The following MROH2A variants were observed in gnomAD, a reference collection of about 807,000 sequenced individuals.
MROH2A encodes maestro heat-like repeat-containing protein family member 2A.
MROH2A carries 174 observed loss-of-function variants against 200.4 expected under a neutral mutation model. The ratio of observed to expected loss-of-function variants is 0.87; its 90% CI spans 0.77 to 0.98. The LOEUF (loss-of-function observed/expected upper bound fraction) is 0.98, where lower values mean the gene tolerates loss of function less well. Ranked by LOEUF, MROH2A falls within the 50% of genes least tolerant of loss-of-function variation. The pLI is 0.00. For synonymous variants in MROH2A, 829 were observed against 840.4 expected (o/e 0.99, Z 0.23); for missense variants, 2,045 against 2,139.6 (o/e 0.96, Z 0.87).
chr2:233,822,258 G>A lies in MROH2A; in HGVS notation c.3647G>A (p.Arg1216His), dbSNP rs562418753. Residue 1216 changes from arginine to histidine, a missense_variant, in exon 32 of 42, where the codon CGC (arginine) becomes CAC (histidine). Physicochemically the swap from Arg to His is conservative, Grantham distance 29. This residue lies in a region of MROH2A where 1,201 missense variants were observed against 1,311.3 expected (regional missense o/e 0.92). Coordinates refer to ENST00000389758, the MANE Select transcript of MROH2A (RefSeq NM_001394639.1). ...GCCACCTCCAAGGCTGACATCTGGC[G>A]CCTGGCTGCGGTGGACCCCCTGATG... ...ISATSKADIW[R>H]LAAVDPLMTL... 59 of 1,547,492 alleles carry A rather than the reference G, an allele frequency of 3.8e-5. No individual in the cohort carries two copies. Among genetic ancestry groups the A allele is most frequent in the Admixed American group, 1.8e-4 (9 of 51,000 alleles).
Position 233,807,438 on chromosome 2 carries a change from G to C in MROH2A, c.2068G>C (p.Ala690Pro), listed in dbSNP as rs1177227252. Residue 690 changes from alanine (A) to proline (P), a missense_variant, in exon 20 of 42, where the codon GCC (alanine) becomes CCC (proline). Coordinates refer to ENST00000389758, the MANE Select transcript of MROH2A (RefSeq NM_001394639.1). This position sits in a 1 kb window ranked among gnomAD's most constrained non-coding sequence, Gnocchi z 4.3. ...GCCTCTCCAGGGCTTTCTGTACCGG[G>C]CCTTGGGCTTCACCTTGGCCACAGG... is the stretch of plus-strand genomic sequence containing the variant. The part of the protein sequence containing the change: ...PSLEKGFLYR[A>P]LGFTLATGLE... The C allele has an allele frequency of 6.4e-7, 1 of 1,550,532 alleles. No individual in the cohort carries two copies. Among genetic ancestry groups the C allele is most frequent in the East Asian group, 2.4e-5 (1 of 40,924 alleles).
Position 233,807,929 on chromosome 2 carries a change from T to C in MROH2A, c.2295+74T>C. 3 of 1,534,224 alleles carry C rather than the reference T, an allele frequency of 2.0e-6. No homozygotes were observed. The highest frequency in any genetic ancestry group is 2.6e-6 in the Non-Finnish European group (3 of 1,133,986). On this transcript the variant is annotated intron_variant, in intron 21 of 41. Transcript: ENST00000389758. The surrounding 1 kb of genome is among the most constrained non-coding windows in gnomAD (Gnocchi z 4.3). ...TGCTCTGGGCACTGACACAAAGTCC[T>C]TTCTAGATCTCAGTAGGAAACTTGC...
At chr2:233,823,228 G>A (rs888551559) in intron 34 of MROH2A, among the ~76,000 whole-genome samples, 2 of 152,234 alleles carry the variant, frequency 1.3e-5, no homozygotes, top group Non-Finnish European at 2.9e-5. Context: ...GAGCAGATAT[G>A]AGGGCAGAAA....
chr2:233,802,197 C>T lies in MROH2A; in HGVS notation c.1590C>T (p.Ile530=). 7 of 1,550,324 alleles carry T rather than the reference C, an allele frequency of 4.5e-6. No individual in the cohort carries two copies. Among genetic ancestry groups the T allele is most frequent in the Non-Finnish European group, 6.1e-6 (7 of 1,146,836 alleles). The part of the protein sequence containing the change: ...TEFWVRLLCY[I]METDYVEALT... ...TTTGGGTGAGGCTGCTGTGCTACAT[C>T]ATGGAGACAGACTACGTGGAAGCTT... is the stretch of plus-strand genomic sequence containing the variant. Residue 530 remains isoleucine, a synonymous_variant, in exon 15 of 42, where the codon ATC becomes ATT. Coordinates refer to ENST00000389758, the MANE Select transcript of MROH2A (RefSeq NM_001394639.1).
In MROH2A at chr2:233,794,260, G is replaced by A. The variant is rs111551714; in HGVS notation, c.823-103G>A. 13 of 856,746 alleles carry A rather than the reference G, an allele frequency of 1.5e-5. No homozygotes were observed. In the East Asian group the frequency reaches 1.9e-4, roughly 12 times the overall value. 53.1% of individuals were successfully genotyped at this position (856,746 alleles called of 1,614,324 possible). ...AAAGACCTTGCTCTGCTTCTGAGGC[G>A]CCTTCTGTCCTGTGTCCTTGGATTC... On this transcript the variant is annotated intron_variant, in intron 7 of 41. Transcript: ENST00000389758.
Position 233,807,065 on chromosome 2 carries a change from A to G in MROH2A, c.2053-358A>G, listed in dbSNP as rs1305581432. Among the ~76,000 whole-genome samples, 2 of 152,108 alleles carry G rather than the reference A, an allele frequency of 1.3e-5. No homozygotes were observed. Among genetic ancestry groups the G allele is most frequent in the African/African-American group, 4.8e-5 (2 of 41,414 alleles). On this transcript the variant is annotated intron_variant, in intron 19 of 41. Transcript: ENST00000389758. This position sits in a 1 kb window ranked among gnomAD's most constrained non-coding sequence, Gnocchi z 4.3. ...ACGTTTGGTTTTCCATTCCTAAGTT[A>G]CTTAGAATAATAGTCTCCAATCTCA... is the stretch of plus-strand genomic sequence containing the variant.
chr2:233,794,553 TG>T (rs1701984366), intron 8 of MROH2A, 47 bp downstream of exon 8: 3 of 1,039,394 alleles, frequency 2.9e-6, no homozygotes, highest in East Asian at 5.2e-5. Flanking sequence ...CTTAGGGAAT[TG>T]GGGGCTCCCA....
chr2:233,790,976 GA>G (rs1041712563), intron 5 of MROH2A, among the ~76,000 whole-genome samples: 1 of 152,328 alleles, frequency 6.6e-6, no homozygotes. Context: ...GCTAAGACCT[GA>G]AGGCAGAGAG....
intron 27 of MROH2A, 141 bp from the exon 28 acceptor site, chr2:233,817,861 A>G (rs1575993063): frequency 2.0e-6 from 2 of 1,002,324 alleles, no homozygotes; most frequent in Non-Finnish European, 2.9e-6. Context: ...CAGGGGACAG[A>G]CAGTGGCACC....
intron 35 of MROH2A, among the ~76,000 whole-genome samples, chr2:233,825,164 T>C (rs1484597356): frequency 6.6e-6 from 1 of 152,230 alleles, no homozygotes; most frequent in Non-Finnish European, 1.5e-5. Context: ...CTTCTGCAGA[T>C]TGATTTTGTA....
upstream of MROH2A, among the ~76,000 whole-genome samples, chr2:233,778,109 C>T (rs1278752551): frequency 1.3e-5 from 2 of 152,190 alleles, no homozygotes; most frequent in Non-Finnish European, 2.9e-5. Flanking sequence ...CTTCTACCAT[C>T]TCCCTTTCCC....
chr2:233,832,713 T>C (rs1353407344), intron 41 of MROH2A, 69 bp downstream of exon 41: 1 of 893,846 alleles, frequency 1.1e-6, no homozygotes, highest in Non-Finnish European at 1.7e-6. Context: ...TTAGAGAAAC[T>C]GCTTCAAGGG....
chr2:233,806,553 C>T (rs1392968703), intron 19 of MROH2A, among the ~76,000 whole-genome samples: 2 of 152,100 alleles, frequency 1.3e-5, no homozygotes, highest in African/African-American at 4.8e-5. Flanking sequence ...AAAAGATGAT[C>T]AGCACAACTA....
chr2:233,819,265 G>A, intron 29 of MROH2A, 52 bp from the exon 30 acceptor site: 1 of 1,513,702 alleles, frequency 6.6e-7, no homozygotes, highest in Admixed American at 2.0e-5. Context: ...GAGAGTGTCA[G>A]CAGTCATGGA....
chr2:233,793,478 C>A (rs961501336), intron 6 of MROH2A, among the ~76,000 whole-genome samples, 195 bp from the exon 7 acceptor site: 1 of 152,158 alleles, frequency 6.6e-6, no homozygotes. Flanking sequence ...CCCAGACACC[C>A]CCGAGTGCTC....
chr2:233,796,165 G>A (rs1001044357), intron 10 of MROH2A, 35 bp from the exon 11 acceptor site: 13 of 1,530,288 alleles, frequency 8.5e-6, no homozygotes, highest in African/African-American at 2.7e-5. Flanking sequence ...TCTGGACCCG[G>A]TGAGCATGAC....
At chr2:233,829,093 C>A in intron 37 of MROH2A, 21 bp downstream of exon 37, 1 of 1,486,020 alleles carries the variant, frequency 6.7e-7, no homozygotes, top group Non-Finnish European at 9.0e-7. Flanking sequence ...TGAGAGCCTC[C>A]CTGAGCTTGC....
chr2:233,791,534 G>A (rs962630705), intron 5 of MROH2A, among the ~76,000 whole-genome samples: 46 of 152,234 alleles, frequency 3.0e-4, no homozygotes, highest in Admixed American at 7.8e-4. Flanking sequence ...TTTGTGGCGC[G>A]GAGTTCAGAG....
chr2:233,797,552 C>T (rs1349758101), intron 11 of MROH2A, among the ~76,000 whole-genome samples: 2 of 152,100 alleles, frequency 1.3e-5, no homozygotes, highest in Non-Finnish European at 2.9e-5. Flanking sequence ...CAACGTGGGG[C>T]AGTATTTATA....
Sources: allele counts gnomAD v4.1 joint callset (sites outside exome capture counted in the v4.1 genomes callset), GRCh38; gene constraint gnomAD v4.1.1; regional missense constraint gnomAD v4.1.1; non-coding constraint Gnocchi (gnomAD v3.1); transcripts MANE v1.5; gene names NCBI Gene and HGNC (gene_info 2026-07-23, HGNC 2026-07-21).